TET1: variants seen among roughly 807,000 people sequenced by gnomAD.
The protein encoded by TET1 is methylcytosine dioxygenase TET1.
TET1 carries 13 observed loss-of-function variants against 148.7 expected under a neutral mutation model. The ratio of observed to expected loss-of-function variants is 0.09; its 90% CI spans 0.06 to 0.14. The LOEUF (loss-of-function observed/expected upper bound fraction) is 0.14. TET1 is among the 10% of genes least tolerant of loss of function. The pLI, the probability that TET1 is intolerant of heterozygous loss-of-function variation, is 1.00. For missense variants in TET1, 2,182 were observed against 2,553.8 expected, an observed-to-expected ratio of 0.85 and a Z score of 3.14; for synonymous variants, 907 against 937.2, an observed-to-expected ratio of 0.97 and a Z score of 0.59.
At chr10:68,620,352 C>A (rs940280637) in intron 3 of TET1, among the ~76,000 whole-genome samples, 1 of 152,132 alleles carries the variant, frequency 6.6e-6, no homozygotes, top group Non-Finnish European at 1.5e-5. Flanking sequence ...CCTTGGCAAC[C>A]ACTAGTGTAC....
rs1407941541 is a variant in TET1, at chr10:68,692,467, ATATAG to A, written c.*658_*662del. On this transcript the variant is annotated 3_prime_UTR_variant, in exon 12 of 12. Coordinates refer to ENST00000373644, the MANE Select transcript of TET1 (RefSeq NM_030625.3). ...CTATTTTTAAAAGTAACTTGAAATA[ATATAG>A]TATAAGAATCCTATTGTCTATTGTT... 2 of 232,134 alleles carry A rather than the reference ATATAG, an allele frequency of 8.6e-6. No homozygotes were observed. The highest frequency in any genetic ancestry group is 2.2e-5 in the African/African-American group (1 of 45,310). The allele number at this position is 232,134 out of a possible 1,614,324, so 14.4% of individuals were successfully genotyped here. A position where few individuals can be genotyped will look rare whatever the true frequency, so the allele number is the denominator to read the frequency against.
intron 8 of TET1, among the ~76,000 whole-genome samples, chr10:68,678,223 C>T (rs977903700): frequency 6.6e-6 from 1 of 152,148 alleles, no homozygotes; most frequent in African/African-American, 2.4e-5. Context: ...ATAATGGTCA[C>T]TTAAATTATA....
At chr10:68,578,086 A>G (rs1180062453) in intron 2 of TET1, among the ~76,000 whole-genome samples, 1 of 152,110 alleles carries the variant, frequency 6.6e-6, no homozygotes, top group Non-Finnish European at 1.5e-5. Context: ...TGTTTCTAAA[A>G]TACTTTGTTG....
At chr10:68,584,036 T>C (rs1366272186) in intron 2 of TET1, among the ~76,000 whole-genome samples, 1 of 151,784 alleles carries the variant, frequency 6.6e-6, no homozygotes, top group East Asian at 1.9e-4. Context: ...GAATAAAATA[T>C]CTTTTTTTTT....
At position 68,646,497 on chromosome 10, in the gene TET1, G is replaced by A; in HGVS notation, c.3768G>A (p.Lys1256=). 6.2e-7 allele frequency: 1 copy of A among 1,614,190 alleles called. No individual in the cohort carries two copies. Among genetic ancestry groups the A allele is most frequent in the Non-Finnish European group, 8.5e-7 (1 of 1,180,034 alleles). The change falls in exon 4 of 12, where the codon AAG becomes AAA. Residue 1256 remains lysine, a synonymous_variant. Transcript: ENST00000373644. ...CTGAATCAGCAGAGGAAAAGGTGAA[G>A]GTTGAACCATTGGATTCACTCAGCT... ...RYPESAEEKV[K]VEPLDSLSLF...
At chr10:68,659,071 T>A (rs1438462055) in intron 6 of TET1, among the ~76,000 whole-genome samples, 2 of 152,028 alleles carry the variant, frequency 1.3e-5, no homozygotes. Context: ...TTGCTAAAAA[T>A]ACAAAATTAG....
intron 6 of TET1, among the ~76,000 whole-genome samples, chr10:68,662,989 G>A (rs2055144312): frequency 2.0e-5 from 3 of 152,172 alleles, no homozygotes; most frequent in Non-Finnish European, 2.9e-5. Flanking sequence ...TAGAAGGGCA[G>A]TTCCCTTATT....
chr10:68,636,845 G>C (rs1312168967), intron 3 of TET1, among the ~76,000 whole-genome samples: 1 of 152,190 alleles, frequency 6.6e-6, no homozygotes, highest in East Asian at 1.9e-4. Context: ...CTTTGACCCT[G>C]ACTTTCTGTG....
Position 68,622,164 on chromosome 10 carries a change from C to CCCTTCCTTCCTTCCTT in TET1, c.1968+21173_1968+21188dup, listed in dbSNP as rs1198639936. ...CAGGATTCCATATAGGATACCTATG[C>CCCTTCCTTCCTTCCTT]CCTTCCTTCCTTCCTTCCTTCCTTC... On this transcript the variant is annotated intron_variant, in intron 3 of 11. Transcript: ENST00000373644. Among the ~76,000 whole-genome samples, 167 of 124,058 alleles carry CCCTTCCTTCCTTCCTT rather than the reference C, an allele frequency of 1.3e-3. 1 individual carries two copies. Among genetic ancestry groups the CCCTTCCTTCCTTCCTT allele is most frequent in the African/African-American group, 5.3e-3 (157 of 29,440 alleles). 81.4% of individuals were successfully genotyped at this position (124,058 alleles called of 152,430 possible). A position where few individuals can be genotyped will look rare whatever the true frequency, so the allele number is the denominator to read the frequency against.
At position 68,659,813 on chromosome 10, in the gene TET1, A is replaced by AACAT. The variant is rs540724470; in HGVS notation, c.4461+7222_4461+7225dup. On this transcript the variant is annotated intron_variant, in intron 6 of 11. Transcript: ENST00000373644. Reference sequence around the variant, plus strand: ...CAGCCCAGTGAAATTGTACAAAGTGAACATACCTATGTGACCAGTGGCCAG... The same window carrying AACAT: ...CAGCCCAGTGAAATTGTACAAAGTGAACATACATACCTATGTGACCAGTGGCCAG... 4.2e-3 allele frequency among the ~76,000 whole-genome samples: 639 copies of AACAT among 152,318 alleles called. 2 individuals are homozygous for AACAT. The highest frequency in any genetic ancestry group is 0.01 in the Middle Eastern group (3 of 294).
At chr10:68,567,650 C>A (rs781655714) in intron 1 of TET1, among the ~76,000 whole-genome samples, 1 of 151,250 alleles carries the variant, frequency 6.6e-6, no homozygotes, top group African/African-American at 2.4e-5. Context: ...GAGGCTGAGG[C>A]GGGTAGATCA....
intron 3 of TET1, among the ~76,000 whole-genome samples, chr10:68,607,483 T>C (rs2054142081): frequency 6.6e-6 from 1 of 151,710 alleles, no homozygotes; most frequent in African/African-American, 2.4e-5. Flanking sequence ...CCCAGGCTGG[T>C]GTGGAGTGGC....
intron 6 of TET1, 22 bp downstream of exon 6, chr10:68,652,616 AT>A (rs776911266): frequency 3.9e-6 from 6 of 1,546,226 alleles, no homozygotes; most frequent in South Asian, 2.3e-5. Context: ...CTATTTATAC[AT>A]TTTTTTGAAG....
intron 5 of TET1, 64 bp from the exon 6 acceptor site, chr10:68,652,437 C>A: frequency 8.1e-7 from 1 of 1,227,178 alleles, no homozygotes; most frequent in South Asian, 1.5e-5. Context: ...ATGTTCAAAG[C>A]CAAAGCCTTC....
At chr10:68,664,206 A>G (rs1227863161) in intron 6 of TET1, among the ~76,000 whole-genome samples, 2 of 151,896 alleles carry the variant, frequency 1.3e-5, no homozygotes, top group East Asian at 1.9e-4. Context: ...TATGCTCATC[A>G]TCTATTTTCA....
intron 7 of TET1, among the ~76,000 whole-genome samples, chr10:68,668,603 C>T (rs754023748): frequency 1.3e-5 from 2 of 152,116 alleles, no homozygotes; most frequent in Non-Finnish European, 2.9e-5. Flanking sequence ...TTTTTTGAGA[C>T]GGAGTCTCGC....
At chr10:68,597,030 A>ATTTGTTTTTTTTTTTTT (rs2053996251) in intron 2 of TET1, among the ~76,000 whole-genome samples, 1 of 98,894 alleles carries the variant, frequency 1.0e-5, no homozygotes, top group African/African-American at 4.4e-5. Flanking sequence ...CAGCTAATGG[A>ATTTGTTTTTTTTTTTTT]TTTTTTTTTT....
chr10:68,626,767 G>A (rs955627203), intron 3 of TET1, among the ~76,000 whole-genome samples: 35 of 152,006 alleles, frequency 2.3e-4, no homozygotes, highest in African/African-American at 8.2e-4. Context: ...AGTCAGGCTG[G>A]TCTCGAACTC....
chr10:68,623,756 CA>C (rs1264833913), intron 3 of TET1, among the ~76,000 whole-genome samples: 3 of 152,156 alleles, frequency 2.0e-5, no homozygotes, highest in African/African-American at 7.2e-5. Context: ...ATGATTCCAC[CA>C]CACTCATTTA....
Sources: allele counts gnomAD v4.1 joint callset (sites outside exome capture counted in the v4.1 genomes callset), GRCh38; gene constraint gnomAD v4.1.1; transcripts MANE v1.5; gene names NCBI Gene and HGNC (gene_info 2026-07-23, HGNC 2026-07-21).